Variants in GLE1 observed in about 807,000 individuals in gnomAD.
GLE1 encodes mRNA export factor GLE1.
Under a neutral mutation model 97.3 loss-of-function variants are expected in GLE1, and 78 were observed. The observed-to-expected ratio is 0.80, with a 90% CI of 0.67 to 0.97. The LOEUF is 0.97. Ranked by LOEUF, GLE1 falls within the 50% of genes least tolerant of loss-of-function variation. The probability of loss-of-function intolerance (pLI) is 0.00; values close to 1 mark genes in which losing one functional copy is unlikely to be tolerated. For missense variants in GLE1, 753 were observed against 857.5 expected (o/e 0.88, Z 1.52); for synonymous variants, 302 against 313.4 (o/e 0.96, Z 0.39).
At position 128,523,874 on chromosome 9, in the gene GLE1, G is replaced by T. The variant is rs772830000; in HGVS notation, c.897+28G>T. Reference sequence around the variant, plus strand: ...GAGGGGGGCTTCAGAGTGACTCTTTGCTGTCTTTGAAATGGAAGCCTTTAA... The same window carrying T: ...GAGGGGGGCTTCAGAGTGACTCTTTTCTGTCTTTGAAATGGAAGCCTTTAA... On this transcript the variant is annotated intron_variant, in intron 6 of 15. Transcript: ENST00000309971. 9 of 1,612,646 alleles carry T rather than the reference G, an allele frequency of 5.6e-6. No homozygotes were observed. The Admixed American group carries it at 1.5e-4, about 27-fold the overall frequency.
intron 3 of GLE1, among the ~76,000 whole-genome samples, chr9:128,518,940 G>GAAGA: frequency 6.6e-6 from 1 of 151,642 alleles, no homozygotes; most frequent in South Asian, 2.1e-4. Flanking sequence ...AGCCATGGCA[G>GAAGA]AAGAACATGG....
intron 1 of GLE1, among the ~76,000 whole-genome samples, chr9:128,506,704 T>C (rs1846649975): frequency 6.6e-6 from 1 of 152,190 alleles, no homozygotes; most frequent in South Asian, 2.1e-4. Context: ...AAATAATACA[T>C]ATCTAAATAT....
Position 128,525,185 on chromosome 9 carries a change from C to G in GLE1, c.898-7C>G, listed in dbSNP as rs769719017. On this transcript the variant is annotated splice_region_variant and splice_polypyrimidine_tract_variant and intron_variant, in intron 6 of 15. Transcript: ENST00000309971. ...ACCACTAAGCACCATCTCCGTCACTCTGACAGAGCAGCTATCCCACAGCAG... is the reference window on the plus strand; with the variant it reads ...ACCACTAAGCACCATCTCCGTCACTGTGACAGAGCAGCTATCCCACAGCAG... 4 of 1,606,438 alleles carry G rather than the reference C, an allele frequency of 2.5e-6. No homozygotes were observed. Among genetic ancestry groups the G allele is most frequent in the Non-Finnish European group, 3.4e-6 (4 of 1,173,016 alleles).
Position 128,525,419 on chromosome 9 carries a change from TG to T in GLE1, c.1126del (p.Glu376LysfsTer5). On this transcript the variant is annotated frameshift_variant, in exon 7 of 16. Coordinates refer to ENST00000309971, the MANE Select transcript of GLE1 (RefSeq NM_001003722.2). LOFTEE classifies it high-confidence loss of function. Reference protein sequence around the residue: ...PSQGPGGKQNEDLQVKVQDIT... With the variant: ...PSQGPGGKQNXDLQVKVQDIT... Reference sequence around the variant, plus strand: ...GCCAGGGCCCAGGAGGGAAACAGAATGAAGGTGGGTTTCAGTATGGATGTGG... The same window carrying T: ...GCCAGGGCCCAGGAGGGAAACAGAATAAGGTGGGTTTCAGTATGGATGTGG... The T allele has an allele frequency of 6.3e-7, 1 of 1,580,100 alleles. No homozygotes were observed. The highest frequency in any genetic ancestry group is 8.6e-7 in the Non-Finnish European group (1 of 1,156,172).
chr9:128,526,879 A>G (rs1420403614), intron 7 of GLE1, among the ~76,000 whole-genome samples: 1 of 152,120 alleles, frequency 6.6e-6, no homozygotes, highest in East Asian at 1.9e-4. Context: ...CATGTTGTGC[A>G]AGCTGGTCTC....
intron 1 of GLE1, among the ~76,000 whole-genome samples, chr9:128,508,640 C>T (rs1846711717): frequency 6.6e-6 from 1 of 152,110 alleles, no homozygotes; most frequent in African/African-American, 2.4e-5. Context: ...AATCTTTGTG[C>T]ATTGTCCCTT....
At chr9:128,539,070 A>G (rs763197374) in intron 13 of GLE1, among the ~76,000 whole-genome samples, 31 of 152,176 alleles carry the variant, frequency 2.0e-4, no homozygotes, top group South Asian at 8.3e-4. Context: ...GTGAAACCCT[A>G]TATCTACCAA....
chr9:128,516,939 A>G (rs549694832), intron 3 of GLE1, among the ~76,000 whole-genome samples: 1 of 151,248 alleles, frequency 6.6e-6, no homozygotes, highest in East Asian at 2.0e-4. Context: ...ATTTTTTTTT[A>G]ATTAGGAAAG....
chr9:128,533,738 T>A, intron 10 of GLE1, 23 bp from the exon 11 acceptor site: 7 of 1,613,636 alleles, frequency 4.3e-6, no homozygotes, highest in Non-Finnish European at 5.9e-6. Flanking sequence ...AAGTTAAAAT[T>A]GTACCCACCT....
chr9:128,524,969 C>T (rs1374772831), intron 6 of GLE1, among the ~76,000 whole-genome samples: 1 of 152,060 alleles, frequency 6.6e-6, no homozygotes, highest in Non-Finnish European at 1.5e-5. Flanking sequence ...TACGCTGGCC[C>T]TTGTTGCTGA....
At chr9:128,520,400 GTGTATATA>G (rs927812558) in intron 3 of GLE1, among the ~76,000 whole-genome samples, 2 of 147,762 alleles carry the variant, frequency 1.4e-5, no homozygotes, top group African/African-American at 4.9e-5. Flanking sequence ...ATATGTATGT[GTGTATATA>G]TGTATATATA....
intron 9 of GLE1, among the ~76,000 whole-genome samples, chr9:128,530,159 T>C (rs1026566331): frequency 2.0e-5 from 3 of 152,182 alleles, no homozygotes; most frequent in Admixed American, 6.6e-5. Context: ...AAACATTACC[T>C]GAATGCTGAT....
chr9:128,509,601 A>G (rs1846744175), intron 2 of GLE1, among the ~76,000 whole-genome samples: 1 of 151,242 alleles, frequency 6.6e-6, no homozygotes, highest in Non-Finnish European at 1.5e-5. Context: ...TAGAGAGAGA[A>G]CTATTTTCCT....
Position 128,538,109 on chromosome 9 carries a change from A to G in GLE1, c.1881+19A>G. 1 of 1,340,402 alleles carries G rather than the reference A, an allele frequency of 7.5e-7. No homozygotes were observed. The highest frequency in any genetic ancestry group is 1.1e-6 in the Non-Finnish European group (1 of 931,370). The allele number at this position is 1,340,402 out of a possible 1,614,324, so 83.0% of individuals were successfully genotyped here. On this transcript the variant is annotated intron_variant, in intron 13 of 15. Transcript: ENST00000309971. ...CCTGGAGGTACGTAACTCAGTTATC[A>G]CACAAGAGAAGGCCAGTGGTTGAGG...
intron 1 of GLE1, among the ~76,000 whole-genome samples, chr9:128,508,499 C>T (rs1240125152): frequency 1.3e-5 from 2 of 152,196 alleles, no homozygotes; most frequent in Non-Finnish European, 2.9e-5. Flanking sequence ...TCACCTAACC[C>T]TGTGTTTCTC....
At chr9:128,528,492 A>C (rs1200477518) in intron 9 of GLE1, among the ~76,000 whole-genome samples, 1 of 151,640 alleles carries the variant, frequency 6.6e-6, no homozygotes, top group Non-Finnish European at 1.5e-5. Flanking sequence ...TTTAGTAGAC[A>C]CGGGGTTTCA....
intron 2 of GLE1, among the ~76,000 whole-genome samples, chr9:128,511,498 G>T (rs1195758708): frequency 6.6e-6 from 1 of 151,490 alleles, no homozygotes; most frequent in Non-Finnish European, 1.5e-5. Context: ...ACTAGGTCAG[G>T]AGATCAAGAC....
chr9:128,516,250 G>A (rs774983050), intron 3 of GLE1, among the ~76,000 whole-genome samples: 1 of 152,086 alleles, frequency 6.6e-6, no homozygotes, highest in Non-Finnish European at 1.5e-5. Context: ...GAGCCACGAT[G>A]CCCAGTCAGG....
intron 9 of GLE1, among the ~76,000 whole-genome samples, chr9:128,530,959 G>A (rs1363877195): frequency 2.6e-5 from 4 of 151,176 alleles, no homozygotes; most frequent in Admixed American, 6.6e-5. Context: ...CTGTAATCCT[G>A]TAATCCCAGC....
Sources: allele counts gnomAD v4.1 joint callset (sites outside exome capture counted in the v4.1 genomes callset), GRCh38; gene constraint gnomAD v4.1.1; transcripts MANE v1.5; gene names NCBI Gene and HGNC (gene_info 2026-07-23, HGNC 2026-07-21).